NRG3: variants seen among roughly 807,000 people sequenced by gnomAD.
NRG3 encodes neuregulin 3, also known as pro-neuregulin-3, membrane-bound isoform.
NRG3 carries 31 observed loss-of-function variants against 66.9 expected under a neutral mutation model. That is an observed-to-expected ratio of 0.46 (90% CI 0.35 to 0.63). The LOEUF is 0.63. NRG3 is among the 20% of genes least tolerant of loss of function. NRG3 has a pLI of 0.00. For missense variants in NRG3, 910 were observed against 878.9 expected (o/e 1.04, Z -0.45); for synonymous variants, 393 against 359.4 (o/e 1.09, Z -1.06).
At chr10:82,071,673 T>C (rs2064813754) in intron 1 of NRG3, among the ~76,000 whole-genome samples, 1 of 152,064 alleles carries the variant, frequency 6.6e-6, no homozygotes. Flanking sequence ...TGGGAAGCTG[T>C]TGGAGGGCTT....
intron 1 of NRG3, among the ~76,000 whole-genome samples, chr10:82,025,111 C>A (rs1393315822): frequency 6.6e-6 from 1 of 151,888 alleles, no homozygotes; most frequent in Admixed American, 6.6e-5. Flanking sequence ...GTTTTTATGT[C>A]ATTTCAAATA....
At chr10:82,189,745 G>T (rs182007712) in intron 1 of NRG3, among the ~76,000 whole-genome samples, 1 of 151,824 alleles carries the variant, frequency 6.6e-6, no homozygotes, top group Non-Finnish European at 1.5e-5. Context: ...AGCCGAGATC[G>T]CACCACTGCA....
At chr10:82,970,011 C>T (rs1389109315) in intron 6 of NRG3, among the ~76,000 whole-genome samples, 5 of 151,958 alleles carry the variant, frequency 3.3e-5, no homozygotes, top group Non-Finnish European at 7.4e-5. Context: ...TTTTCAATGG[C>T]TGTGTAGTAT....
chr10:82,579,131 C>A (rs571417053), intron 2 of NRG3, among the ~76,000 whole-genome samples: 1 of 151,572 alleles, frequency 6.6e-6, no homozygotes, highest in South Asian at 2.1e-4. Flanking sequence ...TTGTAGTGTG[C>A]AGTTAATTAG....
At chr10:82,920,076 T>G (rs975857194) in intron 4 of NRG3, among the ~76,000 whole-genome samples, 1 of 152,108 alleles carries the variant, frequency 6.6e-6, no homozygotes. Flanking sequence ...CATGTAAAAG[T>G]TGGACAAACT....
intron 1 of NRG3, among the ~76,000 whole-genome samples, chr10:82,192,788 G>A (rs1026396278): frequency 1.1e-4 from 16 of 152,130 alleles, no homozygotes; most frequent in African/African-American, 2.9e-4. Flanking sequence ...CATAAAGAGC[G>A]AATCAAGTGG....
intron 1 of NRG3, among the ~76,000 whole-genome samples, chr10:82,118,334 A>G (rs939547867): frequency 6.6e-6 from 1 of 152,078 alleles, no homozygotes; most frequent in African/African-American, 2.4e-5. Context: ...TCTGTTAAGA[A>G]TAGTCGAAGT....
chr10:82,855,318 T>C (rs2063751329), intron 3 of NRG3, among the ~76,000 whole-genome samples: 1 of 152,110 alleles, frequency 6.6e-6, no homozygotes, highest in South Asian at 2.1e-4. Context: ...AATCCTTCTT[T>C]CTTTTCTTTC....
intron 1 of NRG3, among the ~76,000 whole-genome samples, chr10:82,328,448 G>A (rs1444370781): frequency 1.3e-5 from 2 of 152,184 alleles, no homozygotes; most frequent in Non-Finnish European, 2.9e-5. Flanking sequence ...GCAATGTGTA[G>A]TGATCAGACC....
intron 2 of NRG3, among the ~76,000 whole-genome samples, chr10:82,428,694 G>A (rs2089602987): frequency 6.6e-6 from 1 of 151,884 alleles, no homozygotes; most frequent in Admixed American, 6.6e-5. Context: ...TTTTTAGGTG[G>A]AGTGTTTTAT....
chr10:82,492,557 C>T (rs531875662), intron 2 of NRG3, among the ~76,000 whole-genome samples: 2 of 152,162 alleles, frequency 1.3e-5, no homozygotes, highest in South Asian at 4.2e-4. Flanking sequence ...GCATAGAAAC[C>T]TAACACAAAC....
rs1328749643 is a variant in NRG3 at position 82,369,271 on chromosome 10, A to G, written c.953+10403A>G. 5.8e-5 allele frequency among the ~76,000 whole-genome samples: 8 copies of G among 138,364 alleles called. 2 individuals are homozygous for G. The South Asian group carries it at 6.4e-4, about 11-fold the overall frequency. 90.8% of individuals were successfully genotyped at this position (138,364 alleles called of 152,430 possible). On this transcript the variant is annotated intron_variant, in intron 2 of 8. Transcript: ENST00000372141. ...TGGTTCAGGAATTCAAACTGCTTCA[A>G]AATAAGACATTTAAACTCTGGCTTT...
Position 81,972,279 on chromosome 10 carries a change from A to G in NRG3, c.823+96116A>G, listed in dbSNP as rs77227781. Among the ~76,000 whole-genome samples the G allele has an allele frequency of 6.8e-3, 1,037 of 152,346 alleles. 8 individuals are homozygous for G. Among genetic ancestry groups the G allele is most frequent in the African/African-American group, 0.019 (777 of 41,576 alleles). ...AATATCAAGCATCCTACATGGTAAA[A>G]TTCACAATGCCTAGCACCCAATCAA... On this transcript the variant is annotated intron_variant, in intron 1 of 8. Transcript: ENST00000372141.
chr10:82,131,904 G>A (rs576987479), intron 1 of NRG3, among the ~76,000 whole-genome samples: 11 of 152,154 alleles, frequency 7.2e-5, no homozygotes, highest in Admixed American at 7.2e-4. Context: ...ACTTTGCTCA[G>A]TTTGTTTATC....
At chr10:82,487,984 T>G (rs1421384542) in intron 2 of NRG3, among the ~76,000 whole-genome samples, 1 of 152,222 alleles carries the variant, frequency 6.6e-6, no homozygotes, top group East Asian at 1.9e-4. Flanking sequence ...ACAGAAGCCC[T>G]AACAATTATA....
chr10:82,441,250 C>A (rs2090418519), intron 2 of NRG3, among the ~76,000 whole-genome samples: 1 of 152,126 alleles, frequency 6.6e-6, no homozygotes, highest in Non-Finnish European at 1.5e-5. Context: ...CAAAAAATGT[C>A]AATTTGTATA....
chr10:82,950,161 C>G (rs1331174658), intron 4 of NRG3, among the ~76,000 whole-genome samples: 2 of 152,086 alleles, frequency 1.3e-5, no homozygotes, highest in African/African-American at 4.8e-5. Flanking sequence ...CAAGGTGACT[C>G]CAGTGCATTA....
chr10:82,383,914 T>G (rs1389056636), intron 2 of NRG3, among the ~76,000 whole-genome samples: 1 of 151,916 alleles, frequency 6.6e-6, no homozygotes, highest in African/African-American at 2.4e-5. Flanking sequence ...TTTCTCATTC[T>G]TTTATGTCTT....
At chr10:81,968,996 G>T (rs181318434) in intron 1 of NRG3, among the ~76,000 whole-genome samples, 4 of 152,314 alleles carry the variant, frequency 2.6e-5, no homozygotes, top group Admixed American at 1.3e-4. Flanking sequence ...TATCACAGCT[G>T]CAAGGATAAC....
Sources: gnomAD v4.1 joint callset for allele counts (sites outside exome capture counted in the v4.1 genomes callset) on GRCh38, gnomAD v4.1.1 for gene constraint, MANE v1.5 for transcripts, NCBI Gene and HGNC (gene_info 2026-07-23, HGNC 2026-07-21) for gene names.